Variants in FAM227B observed in about 807,000 individuals in gnomAD.
The protein encoded by FAM227B is protein FAM227B.
In FAM227B, 88 loss-of-function variants were observed where a neutral mutation model predicts 73.8. The ratio of observed to expected loss-of-function variants is 1.19; its 90% CI spans 1.00 to 1.42. The LOEUF (loss-of-function observed/expected upper bound fraction) is 1.42. Ranked by LOEUF, FAM227B falls within the 40% of genes most tolerant of loss-of-function variation. FAM227B has a pLI of 0.00. For missense variants in FAM227B, 632 were observed against 590.9 expected, an observed-to-expected ratio of 1.07 and a Z score of -0.72; for synonymous variants, 210 against 190.5, an observed-to-expected ratio of 1.10 and a Z score of -0.84.
chr15:49,535,989 T>C (rs1351816581), intron 10 of FAM227B, among the ~76,000 whole-genome samples: 1 of 146,228 alleles, frequency 6.8e-6, no homozygotes, highest in Non-Finnish European at 1.5e-5. Flanking sequence ...ACTTTTCCAC[T>C]AAGATCCAGT....
In FAM227B at chr15:49,541,738, G is replaced by A. The variant is rs751632486; in HGVS notation, c.816C>T (p.Tyr272=). 1.9e-6 allele frequency: 3 copies of A among 1,544,644 alleles called. No individual in the cohort carries two copies. The highest frequency in any genetic ancestry group is 2.8e-5 in the African/African-American group (2 of 72,212). The change falls in exon 10 of 16, where the codon TAC becomes TAT. Residue 272 remains tyrosine (Y), a synonymous_variant. Transcript: ENST00000299338. ...TFHEAFPESS[Y]LFNDEFKEDL... Reference sequence around the variant, plus strand: ...CTTCTTTAAATTCATCATTAAAGAGGTAACTCGATTCTGGAAATGCTTCAT... The same window carrying A: ...CTTCTTTAAATTCATCATTAAAGAGATAACTCGATTCTGGAAATGCTTCAT...
intron 10 of FAM227B, among the ~76,000 whole-genome samples, chr15:49,535,243 T>G (rs1399711586): frequency 2.0e-5 from 3 of 151,594 alleles, no homozygotes; most frequent in Non-Finnish European, 4.4e-5. Flanking sequence ...AGTGGAGACG[T>G]TACAAGAGAT....
intron 11 of FAM227B, among the ~76,000 whole-genome samples, chr15:49,459,560 T>C (rs1453520244): frequency 6.6e-6 from 1 of 152,194 alleles, no homozygotes; most frequent in Non-Finnish European, 1.5e-5. Context: ...ATCTTAATTA[T>C]TTTAAAGTCC....
chr15:49,447,117 G>C (rs2052294179), intron 11 of FAM227B, among the ~76,000 whole-genome samples: 2 of 151,534 alleles, frequency 1.3e-5, no homozygotes, highest in Non-Finnish European at 3.0e-5. Flanking sequence ...CAAGCCTGTG[G>C]TTTCCTACAC....
At chr15:49,335,572 C>T (rs2039562147) in intron 13 of FAM227B, 76 bp from the exon 14 acceptor site, 1 of 1,017,806 alleles carries the variant, frequency 9.8e-7, no homozygotes, top group Non-Finnish European at 1.5e-6. Context: ...CACAGAGGAA[C>T]CAAGGGGACC....
At chr15:49,609,208 G>C (rs953954725) in intron 3 of FAM227B, among the ~76,000 whole-genome samples, 2 of 151,752 alleles carry the variant, frequency 1.3e-5, no homozygotes, top group Non-Finnish European at 3.0e-5. Flanking sequence ...AATAAAACTA[G>C]AAATAGAATT....
chr15:49,490,810 T>C (rs991824919), intron 11 of FAM227B, among the ~76,000 whole-genome samples: 2 of 152,016 alleles, frequency 1.3e-5, no homozygotes, highest in African/African-American at 4.8e-5. Flanking sequence ...AATTAATAGA[T>C]ACAACCAGGC....
At chr15:49,460,553 C>T (rs182448546) in intron 11 of FAM227B, among the ~76,000 whole-genome samples, 8 of 152,188 alleles carry the variant, frequency 5.3e-5, no homozygotes, top group Middle Eastern at 3.4e-3. Flanking sequence ...ACAGTTCAGG[C>T]GATCATTACC....
chr15:49,447,023 G>A (rs2052284162), intron 11 of FAM227B, among the ~76,000 whole-genome samples: 1 of 151,388 alleles, frequency 6.6e-6, no homozygotes, highest in Non-Finnish European at 1.5e-5. Flanking sequence ...TTGGGGGTGC[G>A]GGAACTCATC....
intron 11 of FAM227B, among the ~76,000 whole-genome samples, chr15:49,494,036 A>G (rs2057368145): frequency 1.3e-5 from 2 of 151,956 alleles, no homozygotes; most frequent in African/African-American, 4.8e-5. Flanking sequence ...GGAACAAATG[A>G]GCCTTTGGAA....
intron 13 of FAM227B, chr15:49,365,810 G>C (rs2045064411): frequency 1.1e-6 from 1 of 872,734 alleles, no homozygotes; most frequent in African/African-American, 1.6e-5. Context: ...AGTCCAGAGA[G>C]AAACATAAGT....
intron 8 of FAM227B, chr15:49,574,618 T>C (rs1399550908): frequency 6.5e-6 from 1 of 153,338 alleles, no homozygotes; most frequent in Non-Finnish European, 1.5e-5. Context: ...AATTGCTCAG[T>C]CTTAGGTGGT....
chr15:49,423,693 G>C (rs947300811), intron 11 of FAM227B, among the ~76,000 whole-genome samples: 2 of 152,124 alleles, frequency 1.3e-5, no homozygotes, highest in African/African-American at 4.8e-5. Flanking sequence ...ATATAATAAA[G>C]AAGTCTAGGG....
intron 11 of FAM227B, among the ~76,000 whole-genome samples, chr15:49,471,278 A>G (rs1339652468): frequency 6.6e-6 from 1 of 151,558 alleles, no homozygotes; most frequent in Non-Finnish European, 1.5e-5. Context: ...CTAGGTCAGG[A>G]GTTCGAGACT....
intron 11 of FAM227B, among the ~76,000 whole-genome samples, chr15:49,390,808 C>T (rs944116942): frequency 2.0e-5 from 3 of 151,844 alleles, no homozygotes; most frequent in African/African-American, 7.3e-5. Context: ...TCTTTTAATA[C>T]TAACAAAAAC....
At chr15:49,515,874 T>C (rs1293393807) in intron 10 of FAM227B, among the ~76,000 whole-genome samples, 1 of 152,150 alleles carries the variant, frequency 6.6e-6, no homozygotes, top group East Asian at 1.9e-4. Context: ...TGTTAGTTGA[T>C]GTTTGTTAGA....
At chr15:49,488,512 C>G (rs1438122171) in intron 11 of FAM227B, 3 of 151,942 alleles carry the variant, frequency 2.0e-5, no homozygotes, top group African/African-American at 7.2e-5. Context: ...TCTCAAGGAA[C>G]CAGATATTTA....
At chr15:49,380,446 AG>A (rs2046449564) in intron 11 of FAM227B, among the ~76,000 whole-genome samples, 1 of 152,056 alleles carries the variant, frequency 6.6e-6, no homozygotes, top group Non-Finnish European at 1.5e-5. Flanking sequence ...CTCAAGCAGG[AG>A]TTTTGCGTTG....
intron 11 of FAM227B, among the ~76,000 whole-genome samples, chr15:49,415,304 T>A (rs2049138103): frequency 6.6e-6 from 1 of 152,206 alleles, no homozygotes; most frequent in Non-Finnish European, 1.5e-5. Flanking sequence ...TCTTTGTGTT[T>A]GTCATGATGT....
Sources: allele counts gnomAD v4.1 joint callset (sites outside exome capture counted in the v4.1 genomes callset), GRCh38; gene constraint gnomAD v4.1.1; transcripts MANE v1.5; gene names NCBI Gene and HGNC (gene_info 2026-07-23, HGNC 2026-07-21).